TTLL2: variants seen among roughly 807,000 people sequenced by gnomAD.
TTLL2 encodes the protein tubulin tyrosine ligase like 2.
In TTLL2, 10 loss-of-function variants were observed where a neutral mutation model predicts 7.5. That is an observed-to-expected ratio of 1.33 (90% CI 0.82 to 2.25). The LOEUF (loss-of-function observed/expected upper bound fraction) is 2.25, where lower values mean the gene tolerates loss of function less well. Ranked by LOEUF, TTLL2 falls within the 30% of genes most tolerant of loss-of-function variation. The probability of loss-of-function intolerance (pLI) is 0.00; values close to 1 mark genes in which losing one functional copy is unlikely to be tolerated. For missense variants in TTLL2, 733 were observed against 735.7 expected, an observed-to-expected ratio of 1.00 and a Z score of 0.04; for synonymous variants, 284 against 280.3, an observed-to-expected ratio of 1.01 and a Z score of -0.13.
chr6:167,328,359 C>T, intron 1 of TTLL2: 1 of 314,898 alleles, frequency 3.2e-6, no homozygotes, highest in South Asian at 2.9e-5. Flanking sequence ...GCCATGGGGC[C>T]CCATACACCC....
rs114694126 is a variant in TTLL2, at chr6:167,328,934, C to G, written c.47+3714C>G. Among the ~76,000 whole-genome samples, 456 of 152,306 alleles carry G rather than the reference C, an allele frequency of 3.0e-3. 6 individuals carry two copies. The highest frequency in any genetic ancestry group is 0.011 in the African/African-American group (445 of 41,542). ...TGAATGTGCACTCCCTTCCTGAACACTGGTTGGGGGAATAGCTCAGATGTA... is the reference window on the plus strand; with the variant it reads ...TGAATGTGCACTCCCTTCCTGAACAGTGGTTGGGGGAATAGCTCAGATGTA... On this transcript the variant is annotated intron_variant, in intron 1 of 2. Coordinates refer to ENST00000239587, the MANE Select transcript of TTLL2 (RefSeq NM_031949.5).
intron 1 of TTLL2, among the ~76,000 whole-genome samples, chr6:167,335,424 G>C: frequency 6.7e-6 from 1 of 148,788 alleles, no homozygotes; most frequent in East Asian, 2.0e-4. Context: ...GATTCCTCAG[G>C]GATCTAGAAC....
At chr6:167,335,984 T>C (rs1468044244) in intron 1 of TTLL2, among the ~76,000 whole-genome samples, 1 of 54,916 alleles carries the variant, frequency 1.8e-5, no homozygotes. Flanking sequence ...AAAAAAGAAA[T>C]GGAAAAAAAA....
At chr6:167,330,112 G>A (rs1190391521) in intron 1 of TTLL2, among the ~76,000 whole-genome samples, 1 of 152,142 alleles carries the variant, frequency 6.6e-6, no homozygotes, top group Non-Finnish European at 1.5e-5. Flanking sequence ...AAAGCCAAGA[G>A]GGTTAAGTTA....
intron 1 of TTLL2, among the ~76,000 whole-genome samples, chr6:167,325,795 AG>A (rs1326710419): frequency 6.6e-6 from 1 of 151,654 alleles, no homozygotes; most frequent in Non-Finnish European, 1.5e-5. Flanking sequence ...TTCAAGGAGG[AG>A]TGGGCATTCA....
At chr6:167,338,055 C>T (rs1779013635) in intron 1 of TTLL2, among the ~76,000 whole-genome samples, 1 of 151,512 alleles carries the variant, frequency 6.6e-6, no homozygotes, top group Admixed American at 6.6e-5. Context: ...CACACTCATA[C>T]ACAACATAAA....
Position 167,325,203 on chromosome 6 carries a change from A to ATTT in TTLL2, c.30_31insTTT (p.Thr10_Gln11insPhe). 6.3e-7 allele frequency: 1 copy of ATTT among 1,576,232 alleles called. No individual in the cohort carries two copies. Among genetic ancestry groups the ATTT allele is most frequent in the Non-Finnish European group, 8.6e-7 (1 of 1,161,652 alleles). ...GAGGGCGGGACCTGTGTTCCTCCAC[A>ATTT]CAAAGCCAGGCGCTGGGGTAAGCGT... On this transcript the variant is annotated inframe_insertion, in exon 1 of 3. Coordinates refer to ENST00000239587, the MANE Select transcript of TTLL2 (RefSeq NM_031949.5).
intron 1 of TTLL2, among the ~76,000 whole-genome samples, chr6:167,327,550 T>C (rs1318207860): frequency 1.3e-5 from 2 of 152,196 alleles, no homozygotes; most frequent in Non-Finnish European, 2.9e-5. Context: ...ACTTCTAAAT[T>C]TGGAACTCAC....
chr6:167,341,046 A>G lies in TTLL2; in HGVS notation c.1146A>G (p.Pro382=), dbSNP rs140589953. ...TTTTGATTGATGACAACTTGAAACC[A>G]TGGCTTTTAGAGGTCAACTACAGCC... ...FDILIDDNLK[P]WLLEVNYSPA... is the part of the protein sequence containing the mutation. Residue 382 remains proline (P), a synonymous_variant, in exon 3 of 3, where the codon CCA becomes CCG. Coordinates refer to ENST00000239587, the MANE Select transcript of TTLL2 (RefSeq NM_031949.5). 1.9e-6 allele frequency: 3 copies of G among 1,613,870 alleles called. No individual in the cohort carries two copies. Among genetic ancestry groups the G allele is most frequent in the Non-Finnish European group, 8.5e-7 (1 of 1,180,012 alleles).
chr6:167,326,321 T>G (rs1208473366), intron 1 of TTLL2, among the ~76,000 whole-genome samples: 1 of 152,156 alleles, frequency 6.6e-6, no homozygotes. Flanking sequence ...CAATACAAAT[T>G]TTTATTCAAA....
intron 1 of TTLL2, chr6:167,328,114 G>A (rs1778870783): frequency 2.2e-6 from 1 of 456,124 alleles, no homozygotes; most frequent in Admixed American, 2.3e-5. Flanking sequence ...CAGTGAATGT[G>A]CCAAAAAGAT....
At position 167,338,181 on chromosome 6, in the gene TTLL2, C is replaced by T. The variant is rs538658611; in HGVS notation, c.48-466C>T. Among the ~76,000 whole-genome samples, 21 of 151,840 alleles carry T rather than the reference C, an allele frequency of 1.4e-4. No individual in the cohort carries two copies. In the East Asian group the frequency reaches 4.1e-3, roughly 29 times the overall value. On this transcript the variant is annotated intron_variant, in intron 1 of 2. Transcript: ENST00000239587. ...ACATAAACACACAGCACATACAACA[C>T]ACAACTCGTGCATACCACATGCAAC...
chr6:167,338,717 C>T lies in TTLL2; in HGVS notation c.118C>T (p.Pro40Ser). The change falls in exon 2 of 3, where the codon CCT becomes TCT. Residue 40 changes from proline to serine, a missense_variant. Physicochemically the swap from Pro to Ser is moderately conservative, Grantham distance 74. Coordinates refer to ENST00000239587, the MANE Select transcript of TTLL2 (RefSeq NM_031949.5). ...CGAGGCAAACCACACTGAGCAGCCGCCTGCAGGCCTGGGAGCAAGGCTACA... is the reference window on the plus strand; with the variant it reads ...CGAGGCAAACCACACTGAGCAGCCGTCTGCAGGCCTGGGAGCAAGGCTACA... ...PSEANHTEQPPAGLGARLQEA... is the reference protein window; with the variant it reads ...PSEANHTEQPSAGLGARLQEA... 1.9e-6 allele frequency: 3 copies of T among 1,614,134 alleles called. No individual in the cohort carries two copies. Among genetic ancestry groups the T allele is most frequent in the South Asian group, 1.1e-5 (1 of 91,076 alleles).
chr6:167,338,298 CACA>C (rs1779017622), intron 1 of TTLL2, among the ~76,000 whole-genome samples: 2 of 151,962 alleles, frequency 1.3e-5, no homozygotes, highest in Non-Finnish European at 2.9e-5. Context: ...CTAGATGCAA[CACA>C]ACACACATGA....
Position 167,341,172 on chromosome 6 carries a change from GA to G in TTLL2, c.1273del (p.Arg425GlufsTer52), listed in dbSNP as rs1779087397. On this transcript the variant is annotated frameshift_variant, in exon 3 of 3. Coordinates refer to ENST00000239587, the MANE Select transcript of TTLL2 (RefSeq NM_031949.5). LOFTEE classifies it low-confidence loss of function (END_TRUNC). ...ACTTAAATGGTCTAAGAAATGAGGG[GA>G]GAGAAGCCAGTAATGCCACACATGG... ...IYLNGLRNEG[R>X]EASNATHGNS... 1.2e-6 allele frequency: 2 copies of G among 1,613,638 alleles called. No homozygotes were observed. Among genetic ancestry groups the G allele is most frequent in the African/African-American group, 1.3e-5 (1 of 74,728 alleles).
In TTLL2 at chr6:167,340,162, G is replaced by C; in HGVS notation, c.262G>C (p.Val88Leu). Residue 88 changes from valine to leucine, a missense_variant, in exon 3 of 3, where the codon GTT becomes CTT. By Grantham distance (32) the Val-to-Leu change is conservative (BLOSUM62 1). Transcript: ENST00000239587. ...TTCAGGGGCCCTCTTGAAGCCGCTGGTTTTTCGCGTTGACGAGACCACCCC... is the reference window on the plus strand; with the variant it reads ...TTCAGGGGCCCTCTTGAAGCCGCTGCTTTTTCGCGTTGACGAGACCACCCC... ...EPSGALLKPLVFRVDETTPAV... is the reference protein window; with the variant it reads ...EPSGALLKPLLFRVDETTPAV... The C allele has an allele frequency of 3.1e-6, 5 of 1,608,788 alleles. No homozygotes were observed. The highest frequency in any genetic ancestry group is 4.2e-6 in the Non-Finnish European group (5 of 1,177,886).
At chr6:167,338,510 T>A (rs1330721461) in intron 1 of TTLL2, 137 bp from the exon 2 acceptor site, 2 of 1,041,202 alleles carry the variant, frequency 1.9e-6, no homozygotes, top group African/African-American at 1.7e-5. Flanking sequence ...ATGGAACAAT[T>A]TGAAAGCATT....
At chr6:167,327,918 GA>G in intron 1 of TTLL2, 1 of 442,412 alleles carries the variant, frequency 2.3e-6, no homozygotes, top group Non-Finnish European at 4.6e-6. Context: ...CTATGTTGGT[GA>G]AAACTCCTTT....
chr6:167,330,508 C>G (rs1373207768), intron 1 of TTLL2, among the ~76,000 whole-genome samples: 1 of 151,890 alleles, frequency 6.6e-6, no homozygotes, highest in Non-Finnish European at 1.5e-5. Flanking sequence ...TTGCAGTGAG[C>G]CAAGTGTGCC....
Sources: allele counts gnomAD v4.1 joint callset (sites outside exome capture counted in the v4.1 genomes callset), GRCh38; gene constraint gnomAD v4.1.1; transcripts MANE v1.5; gene names NCBI Gene and HGNC (gene_info 2026-07-23, HGNC 2026-07-21).